MAPKBP1: variants seen among roughly 807,000 people sequenced by gnomAD.
MAPKBP1 encodes the protein mitogen-activated protein kinase-binding protein 1.
In MAPKBP1, 71 loss-of-function variants were observed where a neutral mutation model predicts 170.5. That is an observed-to-expected ratio of 0.42 (90% CI 0.34 to 0.51). The LOEUF (loss-of-function observed/expected upper bound fraction) is 0.51, where lower values mean the gene tolerates loss of function less well. Ranked by LOEUF, MAPKBP1 falls within the 20% of genes least tolerant of loss-of-function variation. MAPKBP1 has a pLI of 0.06. For synonymous variants in MAPKBP1, 719 were observed against 757.9 expected (o/e 0.95, Z 0.84); for missense variants, 1,598 against 1,933.0 (o/e 0.83, Z 3.25).
chr15:41,821,788 C>G (rs1292785069), intron 24 of MAPKBP1, 38 bp downstream of exon 24: 1 of 1,611,686 alleles, frequency 6.2e-7, no homozygotes, highest in South Asian at 1.1e-5. Flanking sequence ...GTGCCCCCGT[C>G]TTCCCCTCCC....
chr15:41,814,679 C>A lies in MAPKBP1; in HGVS notation c.1110C>A (p.Pro370=). Residue 370 remains proline, a synonymous_variant, in exon 10 of 31, where the codon CCC becomes CCA. Coordinates refer to ENST00000457542, the MANE Select transcript of MAPKBP1 (RefSeq NM_014994.3). ...TTTATGTTTGGGATGTGAGGGACCC[C>A]AAGAAAGTGGGCAAGGTGTACTCGG... is the stretch of plus-strand genomic sequence containing the variant. ...HSIYVWDVRD[P]KKVGKVYSAL... The A allele has an allele frequency of 6.2e-7, 1 of 1,614,184 alleles. No individual in the cohort carries two copies. Among genetic ancestry groups the A allele is most frequent in the South Asian group, 1.1e-5 (1 of 91,072 alleles).
chr15:41,815,659 C>A lies in MAPKBP1; in HGVS notation c.1353C>A (p.Thr451=). ...AAATCATCTATGTGGATGGGAACACCCAGGCCCTGCTGGACACAGAGCTGC... is the reference window on the plus strand; with the variant it reads ...AAATCATCTATGTGGATGGGAACACACAGGCCCTGCTGGACACAGAGCTGC... ...LIKIIYVDGN[T]QALLDTELPG... The change falls in exon 12 of 31, where the codon ACC becomes ACA. Residue 451 remains threonine (T), a synonymous_variant. Transcript: ENST00000457542. The A allele has an allele frequency of 6.2e-7, 1 of 1,613,990 alleles. No individual in the cohort carries two copies. The highest frequency in any genetic ancestry group is 8.5e-7 in the Non-Finnish European group (1 of 1,179,936).
rs2065079551 is a variant in MAPKBP1, at chr15:41,825,712, A to G, written c.*276A>G. On this transcript the variant is annotated 3_prime_UTR_variant, in exon 31 of 31. Coordinates refer to ENST00000457542, the MANE Select transcript of MAPKBP1 (RefSeq NM_014994.3). ...TTGTCATCTTGGTGCTGTGAGAGGT[A>G]GGAGGGCAGCCTGCCCCATCTAGGA... 3 of 382,278 alleles carry G rather than the reference A, an allele frequency of 7.8e-6. No homozygotes were observed. The highest frequency in any genetic ancestry group is 4.8e-5 in the South Asian group (1 of 20,976). 23.7% of individuals were successfully genotyped at this position (382,278 alleles called of 1,614,324 possible).
At position 41,812,064 on chromosome 15, in the gene MAPKBP1, C is replaced by T. The variant is rs774173539; in HGVS notation, c.435C>T (p.Ser145=). The change falls in exon 6 of 31, where the codon AGC becomes AGT. Residue 145 remains serine (S), a synonymous_variant. Transcript: ENST00000457542. ...YGVACVAFSP[S]AKYIVSVGYQ... ...TGGCTTGTGTGGCCTTCTCTCCTAG[C>T]GCCAAGTACATTGTCTCTGTGGGCT... The T allele has an allele frequency of 8.7e-6, 14 of 1,613,920 alleles. No homozygotes were observed. The Middle Eastern group carries it at 8.2e-4, about 95-fold the overall frequency.
At position 41,822,254 on chromosome 15, in the gene MAPKBP1, G is replaced by A. The variant is rs1050543670; in HGVS notation, c.3061G>A (p.Asp1021Asn). Residue 1021 changes from aspartate to asparagine, a missense_variant, in exon 26 of 31, where the codon GAT (aspartate) becomes AAT (asparagine). Coordinates refer to ENST00000457542, the MANE Select transcript of MAPKBP1 (RefSeq NM_014994.3). Reference protein sequence around the residue: ...DSESTEPLSVDGISSDLEEPA... With the variant: ...DSESTEPLSVNGISSDLEEPA... The stretch of plus-strand genomic sequence containing the variant: ...TGAGAGCACGGAGCCCCTCAGTGTG[G>A]ATGGCATCTCCTCAGACCTTGAAGA... 13 of 1,613,890 alleles carry A rather than the reference G, an allele frequency of 8.1e-6. No individual in the cohort carries two copies. The highest frequency in any genetic ancestry group is 6.7e-5 in the Admixed American group (4 of 59,994).
rs770172415 is a variant in MAPKBP1, at chr15:41,817,974, G to C, written c.1905-35G>C. The C allele has an allele frequency of 1.9e-6, 3 of 1,605,082 alleles. No homozygotes were observed. The African/African-American group carries it at 4.0e-5, about 21-fold the overall frequency. The stretch of plus-strand genomic sequence containing the variant: ...CCCCCAGGCGTGTTCCACCTTCACC[G>C]CCTCCTCATGAGAAAGAGACTATGT... On this transcript the variant is annotated intron_variant, in intron 16 of 30. Coordinates refer to ENST00000457542, the MANE Select transcript of MAPKBP1 (RefSeq NM_014994.3). The surrounding 1 kb of genome is among the most constrained non-coding windows in gnomAD (Gnocchi z 4.2).
chr15:41,789,371 A>T (rs1453017514), intron 2 of MAPKBP1, among the ~76,000 whole-genome samples: 2 of 151,902 alleles, frequency 1.3e-5, no homozygotes, highest in Non-Finnish European at 2.9e-5. Flanking sequence ...TGCCTTTCTG[A>T]TAACTGTGGA....
Position 41,821,671 on chromosome 15 carries a change from G to A in MAPKBP1, c.2806G>A (p.Ala936Thr). ...RLLSQEEGVF[A>T]QDLEPAPIED... is the part of the protein sequence containing the mutation. ...ATTGTCACAAGAGGAAGGGGTCTTTGCCCAAGATCTGGAACCTGCACCCAT... is the reference window on the plus strand; with the variant it reads ...ATTGTCACAAGAGGAAGGGGTCTTTACCCAAGATCTGGAACCTGCACCCAT... The change falls in exon 24 of 31, where the codon GCC (alanine) becomes ACC (threonine). Residue 936 changes from alanine to threonine, a missense_variant. Ala to Thr is a moderately conservative substitution (Grantham distance 58). Transcript: ENST00000457542. The A allele has an allele frequency of 6.2e-7, 1 of 1,614,094 alleles. No homozygotes were observed. The highest frequency in any genetic ancestry group is 8.5e-7 in the Non-Finnish European group (1 of 1,180,018).
At chr15:41,785,355 C>G (rs1019262356) in intron 2 of MAPKBP1, among the ~76,000 whole-genome samples, 9 of 152,196 alleles carry the variant, frequency 5.9e-5, no homozygotes, top group Admixed American at 3.9e-4. Context: ...AGCAGAAATT[C>G]TTTTTGATAC....
chr15:41,786,780 ATATATATAT>A (rs2064304437), intron 2 of MAPKBP1, among the ~76,000 whole-genome samples: 4 of 65,678 alleles, frequency 6.1e-5, no homozygotes, highest in African/African-American at 1.1e-4. Flanking sequence ...AAAAAAAAAT[ATATATATAT>A]ATATATATAT....
chr15:41,808,080 C>T (rs1480235775), intron 3 of MAPKBP1, among the ~76,000 whole-genome samples: 3 of 147,880 alleles, frequency 2.0e-5, no homozygotes, highest in African/African-American at 7.4e-5. Flanking sequence ...GCACTTTGAA[C>T]TCTTATAATT....
At position 41,817,807 on chromosome 15, in the gene MAPKBP1, T is replaced by C; in HGVS notation, c.1904+72T>C. 1 of 1,592,480 alleles carries C rather than the reference T, an allele frequency of 6.3e-7. No homozygotes were observed. The highest frequency in any genetic ancestry group is 8.6e-7 in the Non-Finnish European group (1 of 1,168,200). On this transcript the variant is annotated intron_variant, in intron 16 of 30. Transcript: ENST00000457542. The surrounding 1 kb of genome is among the most constrained non-coding windows in gnomAD (Gnocchi z 4.2). Reference sequence around the variant, plus strand: ...ACGGGGTCAGCTCTGTGCAGCTAAGTTCCCACATCTGTCGTTCTGTACAGG... The same window carrying C: ...ACGGGGTCAGCTCTGTGCAGCTAAGCTCCCACATCTGTCGTTCTGTACAGG...
rs2064843713 is a variant in MAPKBP1 at position 41,813,734 on chromosome 15, C to T, written c.933C>T (p.Pro311=). 1 of 1,612,494 alleles carries T rather than the reference C, an allele frequency of 6.2e-7. No homozygotes were observed. Among genetic ancestry groups the T allele is most frequent in the Non-Finnish European group, 8.5e-7 (1 of 1,179,392 alleles). The change falls in exon 9 of 31, where the codon CCC becomes CCT. Residue 311 remains proline, a synonymous_variant. Coordinates refer to ENST00000457542, the MANE Select transcript of MAPKBP1 (RefSeq NM_014994.3). ...PSNLHFLSTL[P]RPHALGTDIA... The stretch of plus-strand genomic sequence containing the variant: ...ACCTGCACTTCCTTAGCACCTTGCC[C>T]CGACCCCATGCTCTGGGGACAGACA...
chr15:41,812,837 G>A (rs765110074), intron 7 of MAPKBP1, 82 bp from the exon 8 acceptor site: 389 of 1,492,024 alleles, frequency 2.6e-4, no homozygotes, highest in Non-Finnish European at 3.2e-4. Flanking sequence ...TGCTGGAGGC[G>A]TCCCCTGTAC....
At chr15:41,813,440 C>T (rs1216843541) in intron 8 of MAPKBP1, 181 bp from the exon 9 acceptor site, 7 of 1,451,766 alleles carry the variant, frequency 4.8e-6, no homozygotes, top group Non-Finnish European at 6.8e-6. Flanking sequence ...CTAGAAGAAT[C>T]CTCGGTTCCT....
At chr15:41,778,100 G>T (rs144541947) in intron 2 of MAPKBP1, among the ~76,000 whole-genome samples, 137 of 152,270 alleles carry the variant, frequency 9.0e-4, no homozygotes, top group Non-Finnish European at 7.9e-4. Flanking sequence ...ATTTCCTAAG[G>T]ATCGGGGTCA....
intron 3 of MAPKBP1, among the ~76,000 whole-genome samples, chr15:41,805,120 G>A (rs996815004): frequency 1.3e-5 from 2 of 152,134 alleles, no homozygotes; most frequent in Non-Finnish European, 2.9e-5. Flanking sequence ...GCCCGGAGGC[G>A]AATATCAAAC....
In MAPKBP1 at chr15:41,822,520, G is replaced by A. The variant is rs867893439; in HGVS notation, c.3230-73G>A. On this transcript the variant is annotated intron_variant, in intron 26 of 30. Transcript: ENST00000457542. ...TCCCAGGGTATAGGCTGTGGCTGGG[G>A]GTCTCAAGGAGGCAAAATCTGGGGC... 61 of 1,605,244 alleles carry A rather than the reference G, an allele frequency of 3.8e-5. 1 individual carries two copies. The South Asian group carries it at 6.2e-4, about 16-fold the overall frequency.
At chr15:41,780,584 A>G (rs993208449) in intron 2 of MAPKBP1, among the ~76,000 whole-genome samples, 1 of 152,150 alleles carries the variant, frequency 6.6e-6, no homozygotes, top group African/African-American at 2.4e-5. Context: ...TCATGTTCCC[A>G]CTGCTCCAGG....
Sources: gnomAD v4.1 joint callset for allele counts (sites outside exome capture counted in the v4.1 genomes callset) on GRCh38, gnomAD v4.1.1 for gene constraint, Gnocchi (gnomAD v3.1) non-coding constraint, MANE v1.5 for transcripts, NCBI Gene and HGNC (gene_info 2026-07-23, HGNC 2026-07-21) for gene names.